Variants in STK31 observed in about 807,000 individuals in gnomAD.
STK31 encodes serine/threonine kinase 31, also known as serine/threonine-protein kinase 31.
Under a neutral mutation model 129.7 loss-of-function variants are expected in STK31, and 89 were observed. The ratio of observed to expected loss-of-function variants is 0.69; its 90% CI spans 0.58 to 0.82. The LOEUF (loss-of-function observed/expected upper bound fraction) is 0.82. Ranked by LOEUF, STK31 falls within the 40% of genes least tolerant of loss-of-function variation. The probability of loss-of-function intolerance (pLI) is 0.00; values close to 1 mark genes in which losing one functional copy is unlikely to be tolerated. For synonymous variants in STK31, 448 were observed against 395.3 expected (o/e 1.13, Z -1.58); for missense variants, 1,187 against 1,176.4 (o/e 1.01, Z -0.13).
intron 22 of STK31, chr7:23,811,022 T>C (rs1793101521): frequency 6.4e-6 from 1 of 155,774 alleles, no homozygotes; most frequent in Admixed American, 6.6e-5. Flanking sequence ...ATGGTCAAAA[T>C]AAATGAAAAA....
intron 4 of STK31, chr7:23,725,824 G>C (rs1469403936): frequency 6.6e-6 from 1 of 152,184 alleles, no homozygotes; most frequent in African/African-American, 2.4e-5. Context: ...TTAAGTGTTT[G>C]ATGCCTGTGT....
chr7:23,756,045 A>G (rs1789060430), intron 10 of STK31, among the ~76,000 whole-genome samples: 1 of 152,210 alleles, frequency 6.6e-6, no homozygotes. Flanking sequence ...TGTCAATGGT[A>G]GCTTGATGGG....
At chr7:23,710,432 C>T in intron 1 of STK31, 97 bp downstream of exon 1, 1 of 1,592,822 alleles carries the variant, frequency 6.3e-7, no homozygotes, top group East Asian at 2.3e-5. Context: ...GGGACGAGGC[C>T]CATTTCAGGG....
chr7:23,738,826 C>T (rs536007522), intron 8 of STK31, among the ~76,000 whole-genome samples: 4 of 152,314 alleles, frequency 2.6e-5, no homozygotes, highest in Non-Finnish European at 2.9e-5. Flanking sequence ...GCTGGGATTA[C>T]AGGCATGAGC....
At position 23,790,943 on chromosome 7, in the gene STK31, A is replaced by G; in HGVS notation, c.2757A>G (p.Leu919=). ...SDLYAYGCLL[L]WLSVQNQEFE... ...TATATGCTTATGGCTGCCTCTTATTATGGGTATGTTATTTTTTTGTTGAAA... is the reference window on the plus strand; with the variant it reads ...TATATGCTTATGGCTGCCTCTTATTGTGGGTATGTTATTTTTTTGTTGAAA... The change falls in exon 22 of 24, where the codon TTA becomes TTG. Residue 919 remains leucine, a synonymous_variant. Coordinates refer to ENST00000355870, the MANE Select transcript of STK31 (RefSeq NM_031414.5). The G allele has an allele frequency of 6.4e-7, 1 of 1,556,536 alleles. No homozygotes were observed.
intron 22 of STK31, among the ~76,000 whole-genome samples, chr7:23,796,566 C>G (rs1396396335): frequency 6.6e-6 from 1 of 151,916 alleles, no homozygotes; most frequent in East Asian, 1.9e-4. Context: ...TGTATACATT[C>G]TATGAATTTT....
At chr7:23,779,479 G>C (rs1790771648) in intron 15 of STK31, among the ~76,000 whole-genome samples, 1 of 152,224 alleles carries the variant, frequency 6.6e-6, no homozygotes, top group South Asian at 2.1e-4. Context: ...AGGAGGATGG[G>C]AGTTTTATCT....
At chr7:23,711,978 GTT>G (rs2128058107) in intron 1 of STK31, 119 bp from the exon 2 acceptor site, 1 of 807,618 alleles carries the variant, frequency 1.2e-6, no homozygotes. Context: ...TTAATATAGA[GTT>G]TGAATTTTGA....
chr7:23,720,945 C>T (rs1786654026), intron 4 of STK31, among the ~76,000 whole-genome samples: 1 of 152,110 alleles, frequency 6.6e-6, no homozygotes, highest in Non-Finnish European at 1.5e-5. Flanking sequence ...AACTGCAATT[C>T]AGATCACATT....
chr7:23,815,296 T>G, intron 23 of STK31, 84 bp downstream of exon 23: 1 of 984,874 alleles, frequency 1.0e-6, no homozygotes, highest in Non-Finnish European at 1.4e-6. Context: ...TGTCCTCCAG[T>G]TTTTCTAAGA....
chr7:23,737,368 A>G (rs762066502), intron 8 of STK31, among the ~76,000 whole-genome samples: 2 of 152,358 alleles, frequency 1.3e-5, no homozygotes, highest in African/African-American at 2.4e-5. Context: ...AGAGACTTGA[A>G]TAATTAATTC....
intron 3 of STK31, among the ~76,000 whole-genome samples, chr7:23,714,905 G>C (rs556025918): frequency 6.6e-6 from 1 of 152,302 alleles, no homozygotes; most frequent in South Asian, 2.1e-4. Flanking sequence ...ATGTGAATGA[G>C]TGTGTGTAGC....
intron 4 of STK31, among the ~76,000 whole-genome samples, chr7:23,720,401 C>T (rs1786620792): frequency 6.6e-6 from 1 of 152,146 alleles, no homozygotes; most frequent in Admixed American, 6.5e-5. Context: ...TACCCTGCTA[C>T]TTAGAGACAG....
chr7:23,770,298 C>T (rs1231661851), intron 13 of STK31, among the ~76,000 whole-genome samples: 1 of 152,106 alleles, frequency 6.6e-6, no homozygotes, highest in Non-Finnish European at 1.5e-5. Flanking sequence ...AGGCTGCTTT[C>T]CAATGTTTCA....
chr7:23,728,072 C>CTTTTTTTTTTTTTT (rs56355518), intron 5 of STK31, among the ~76,000 whole-genome samples: 3 of 68,290 alleles, frequency 4.4e-5, no homozygotes, highest in Non-Finnish European at 8.1e-5. Flanking sequence ...TTGTGTTAAG[C>CTTTTTTTTTTTTTT]TTTTTTTTTT....
At chr7:23,741,682 C>T (rs761591303) in intron 8 of STK31, among the ~76,000 whole-genome samples, 5 of 152,196 alleles carry the variant, frequency 3.3e-5, no homozygotes, top group Non-Finnish European at 5.9e-5. Context: ...TGTCTCTAAA[C>T]TCTCATAAGG....
At chr7:23,799,160 C>CTA (rs1792207275) in intron 22 of STK31, among the ~76,000 whole-genome samples, 2 of 152,128 alleles carry the variant, frequency 1.3e-5, no homozygotes, top group African/African-American at 2.4e-5. Flanking sequence ...TGAAAAGGGC[C>CTA]ATACTACTCA....
chr7:23,780,540 C>T (rs1790859449), intron 15 of STK31, among the ~76,000 whole-genome samples: 1 of 152,106 alleles, frequency 6.6e-6, no homozygotes, highest in South Asian at 2.1e-4. Context: ...TTCTTTAATC[C>T]TTGATCACCT....
At position 23,712,235 on chromosome 7, in the gene STK31, G is replaced by A; in HGVS notation, c.99G>A (p.Val33=). Residue 33 remains valine, a splice_region_variant and synonymous_variant, in exon 3 of 24, where the codon GTG becomes GTA. Transcript: ENST00000355870. Reference sequence around the variant, plus strand: ...CCTTGTATTGTGATTTGATTTTAGTGGAAGATGTGGTTGGAAGTCACATAG... The same window carrying A: ...CCTTGTATTGTGATTTGATTTTAGTAGAAGATGTGGTTGGAAGTCACATAG... ...QMDEDTHYDK[V]EDVVGSHIED... The A allele has an allele frequency of 1.2e-6, 2 of 1,614,038 alleles. No homozygotes were observed. The highest frequency in any genetic ancestry group is 1.1e-5 in the South Asian group (1 of 91,068).
Sources: gnomAD v4.1 joint callset for allele counts (sites outside exome capture counted in the v4.1 genomes callset) on GRCh38, gnomAD v4.1.1 for gene constraint, MANE v1.5 for transcripts, NCBI Gene and HGNC (gene_info 2026-07-23, HGNC 2026-07-21) for gene names.